PCDHGA2: variants seen among roughly 807,000 people sequenced by gnomAD.
The protein encoded by PCDHGA2 is protocadherin gamma-A2.
In PCDHGA2, 40 loss-of-function variants were observed where a neutral mutation model predicts 59.2. The observed-to-expected ratio is 0.68, with a 90% CI of 0.52 to 0.88. The LOEUF (loss-of-function observed/expected upper bound fraction) is 0.88, where lower values mean the gene tolerates loss of function less well. Among genes scored for constraint, PCDHGA2 ranks in the 40% least tolerant of loss-of-function variants. The probability of loss-of-function intolerance (pLI) is 0.00; values close to 1 mark genes in which losing one functional copy is unlikely to be tolerated. For missense variants in PCDHGA2, 1,226 were observed against 1,204.0 expected (o/e 1.02, Z -0.27); for synonymous variants, 560 against 526.0 (o/e 1.06, Z -0.89).
At chr5:141,357,546 G>A in intron 1 of PCDHGA2, 2 of 1,614,182 alleles carry the variant, frequency 1.2e-6, no homozygotes, top group Non-Finnish European at 1.7e-6. Context: ...TCATCAGCCG[G>A]GAGAGTTGTG....
intron 1 of PCDHGA2, among the ~76,000 whole-genome samples, chr5:141,363,513 T>A (rs995820646): frequency 6.6e-6 from 1 of 152,210 alleles, no homozygotes; most frequent in Non-Finnish European, 1.5e-5. Context: ...TCCTCCACAG[T>A]TACTATACTG....
intron 1 of PCDHGA2, chr5:141,388,282 T>A: frequency 6.2e-7 from 1 of 1,613,222 alleles, no homozygotes; most frequent in South Asian, 1.1e-5. Context: ...ACGCCAAAAT[T>A]CACGCAAAAT....
In PCDHGA2 at chr5:141,476,875, C is replaced by T; in HGVS notation, c.2425-17932C>T. On this transcript the variant is annotated intron_variant, in intron 1 of 3. Coordinates refer to ENST00000394576, the MANE Select transcript of PCDHGA2 (RefSeq NM_018915.4). The surrounding 1 kb of genome is among the most constrained non-coding windows in gnomAD (Gnocchi z 7.6). ...ACCAGTCCTTGTACCGGGCGCGCGT[C>T]CTGGAGGATGCACCCTCCGGCACGC... 2 of 1,613,928 alleles carry T rather than the reference C, an allele frequency of 1.2e-6. No homozygotes were observed. Among genetic ancestry groups the T allele is most frequent in the Non-Finnish European group, 1.7e-6 (2 of 1,180,044 alleles).
chr5:141,389,726 C>T (rs150721796), intron 1 of PCDHGA2: 77,154 of 1,612,710 alleles, frequency 0.048, 2,225 homozygotes, highest in Non-Finnish European at 0.054. Context: ...AGCCCGGGCT[C>T]TTCAGCCTGG....
chr5:141,423,273 G>C, intron 1 of PCDHGA2: 2 of 1,613,896 alleles, frequency 1.2e-6, no homozygotes, highest in Non-Finnish European at 1.7e-6. Flanking sequence ...TCGAGTCTCT[G>C]GCTAACTCTG....
intron 1 of PCDHGA2, among the ~76,000 whole-genome samples, chr5:141,439,406 C>T (rs2098110611): frequency 6.6e-6 from 1 of 152,190 alleles, no homozygotes; most frequent in Non-Finnish European, 1.5e-5. Flanking sequence ...CATGTGCTAA[C>T]ATCACTGAGG....
chr5:141,459,260 T>G (rs551625614), intron 1 of PCDHGA2, among the ~76,000 whole-genome samples: 1 of 152,344 alleles, frequency 6.6e-6, no homozygotes, highest in South Asian at 2.1e-4. Flanking sequence ...TAAATTAGTG[T>G]TGCCTCTTTC....
At chr5:141,358,919 A>G (rs1761058945) in intron 1 of PCDHGA2, among the ~76,000 whole-genome samples, 1 of 152,222 alleles carries the variant, frequency 6.6e-6, no homozygotes, top group Non-Finnish European at 1.5e-5. Flanking sequence ...TTTTGTGTGT[A>G]GGGGATATAC....
intron 1 of PCDHGA2, among the ~76,000 whole-genome samples, chr5:141,472,280 A>G (rs988007394): frequency 6.6e-6 from 1 of 152,276 alleles, no homozygotes; most frequent in African/African-American, 2.4e-5. Context: ...AGTGGCTCAC[A>G]CCTGTAATCC....
At chr5:141,345,233 A>C in intron 1 of PCDHGA2, 1 of 1,613,968 alleles carries the variant, frequency 6.2e-7, no homozygotes, top group African/African-American at 1.3e-5. Flanking sequence ...CAATAGATCA[A>C]TATTACCGCT....
chr5:141,482,530 C>CAAAAAAAAAAAAAAAAAA (rs3074545), intron 1 of PCDHGA2, among the ~76,000 whole-genome samples: 1 of 76,562 alleles, frequency 1.3e-5, no homozygotes, highest in Non-Finnish European at 2.6e-5. Flanking sequence ...GACAGACATG[C>CAAAAAAAAAAAAAAAAAA]AAAAAAAAAA....
chr5:141,476,416 A>C lies in PCDHGA2; in HGVS notation c.2425-18391A>C, dbSNP rs2099391138. On this transcript the variant is annotated intron_variant, in intron 1 of 3. Coordinates refer to ENST00000394576, the MANE Select transcript of PCDHGA2 (RefSeq NM_018915.4). The surrounding 1 kb of genome is among the most constrained non-coding windows in gnomAD (Gnocchi z 7.6). ...TGGATCGAGAGGAGCTGTGTGGGACACTGCCCTCTTGCACTGTAACTCTGG... is the reference window on the plus strand; with the variant it reads ...TGGATCGAGAGGAGCTGTGTGGGACCCTGCCCTCTTGCACTGTAACTCTGG... 6.2e-7 allele frequency: 1 copy of C among 1,614,056 alleles called. No homozygotes were observed. The highest frequency in any genetic ancestry group is 8.5e-7 in the Non-Finnish European group (1 of 1,179,994).
chr5:141,435,979 C>T (rs1036607924), intron 1 of PCDHGA2, among the ~76,000 whole-genome samples: 4 of 152,008 alleles, frequency 2.6e-5, no homozygotes, highest in Non-Finnish European at 5.9e-5. Flanking sequence ...TGTGGTTCTA[C>T]TTGTGTGATT....
At chr5:141,459,845 T>C (rs914128032) in intron 1 of PCDHGA2, among the ~76,000 whole-genome samples, 1 of 152,232 alleles carries the variant, frequency 6.6e-6, no homozygotes, top group Admixed American at 6.5e-5. Flanking sequence ...TCTATTTGTA[T>C]ATCTTCTTGA....
intron 1 of PCDHGA2, chr5:141,360,787 G>T (rs758998647): frequency 1.2e-6 from 2 of 1,613,882 alleles, no homozygotes; most frequent in South Asian, 1.1e-5. Context: ...TGTGGATGGC[G>T]GAGACCCACC....
chr5:141,453,791 A>G (rs979646024), intron 1 of PCDHGA2, among the ~76,000 whole-genome samples: 2 of 152,268 alleles, frequency 1.3e-5, no homozygotes, highest in African/African-American at 2.4e-5. Context: ...ATGGTATATT[A>G]ACTTTGAGTA....
chr5:141,348,302 A>G (rs918390681), intron 1 of PCDHGA2, among the ~76,000 whole-genome samples: 1 of 152,220 alleles, frequency 6.6e-6, no homozygotes, highest in African/African-American at 2.4e-5. Context: ...TCACTGAAAC[A>G]TGGAAATACA....
rs1756858193 is a variant in PCDHGA2, at chr5:141,339,634, G to T, written c.663G>T (p.Val221=). 1.9e-6 allele frequency: 3 copies of T among 1,614,194 alleles called. No homozygotes were observed. Among genetic ancestry groups the T allele is most frequent in the African/African-American group, 1.3e-5 (1 of 75,054 alleles). Reference sequence around the variant, plus strand: ...TGGCTTCTGATGGGGGTGACCCAGTGCTATCTGGCACCTCCCGCATCTGCG... The same window carrying T: ...TGGCTTCTGATGGGGGTGACCCAGTTCTATCTGGCACCTCCCGCATCTGCG... ...VLVASDGGDP[V]LSGTSRICVK... is the part of the protein sequence containing the mutation. Residue 221 remains valine, a synonymous_variant, in exon 1 of 4, where the codon GTG becomes GTT. Transcript: ENST00000394576.
At chr5:141,430,383 GA>G (rs139772145) in intron 1 of PCDHGA2, among the ~76,000 whole-genome samples, 3,229 of 138,382 alleles carry the variant, frequency 0.023, 41 homozygotes, top group African/African-American at 0.033. Flanking sequence ...AGCTCATTGG[GA>G]AAAAAAAAAA....
Sources: allele counts gnomAD v4.1 joint callset (sites outside exome capture counted in the v4.1 genomes callset), GRCh38; gene constraint gnomAD v4.1.1; non-coding constraint Gnocchi (gnomAD v3.1); transcripts MANE v1.5; gene names NCBI Gene and HGNC (gene_info 2026-07-23, HGNC 2026-07-21).